SORCS3: variants seen among roughly 807,000 people sequenced by gnomAD.
SORCS3 encodes VPS10 domain-containing receptor SorCS3.
In SORCS3, 57 loss-of-function variants were observed where a neutral mutation model predicts 146.3. The ratio of observed to expected loss-of-function variants is 0.39; its 90% CI spans 0.31 to 0.49. SORCS3 has a LOEUF of 0.49. SORCS3 is among the 20% of genes least tolerant of loss of function. SORCS3 has a pLI of 0.92. For missense variants in SORCS3, 1,341 were observed against 1,575.5 expected, an observed-to-expected ratio of 0.85 and a Z score of 2.52; for synonymous variants, 653 against 618.5, an observed-to-expected ratio of 1.06 and a Z score of -0.83.
intron 21 of SORCS3, 115 bp downstream of exon 21, chr10:105,245,780 A>G (rs1043628710): frequency 1.6e-5 from 21 of 1,307,250 alleles, no homozygotes; most frequent in Middle Eastern, 1.9e-4. Context: ...GGAAAATTAC[A>G]TAGGTCAACA....
At chr10:104,787,390 A>G (rs2017451200) in intron 1 of SORCS3, among the ~76,000 whole-genome samples, 1 of 152,208 alleles carries the variant, frequency 6.6e-6, no homozygotes, top group Admixed American at 6.5e-5. Context: ...AATCATGTTA[A>G]TGCCACAGTT....
At chr10:105,237,559 G>A (rs2056799779) in intron 20 of SORCS3, among the ~76,000 whole-genome samples, 1 of 152,154 alleles carries the variant, frequency 6.6e-6, no homozygotes, top group South Asian at 2.1e-4. Flanking sequence ...AGTGCTATTT[G>A]CTAACACCAT....
intron 2 of SORCS3, among the ~76,000 whole-genome samples, chr10:104,863,566 G>C (rs375271143): frequency 1.3e-5 from 2 of 152,130 alleles, no homozygotes; most frequent in East Asian, 3.9e-4. Context: ...ATAGCACCTG[G>C]CTGTGTTGTA....
chr10:105,123,780 G>C (rs2055953036), intron 7 of SORCS3, among the ~76,000 whole-genome samples: 1 of 152,104 alleles, frequency 6.6e-6, no homozygotes, highest in South Asian at 2.1e-4. Flanking sequence ...CACTTATTCT[G>C]TCAGTCTCCC....
intron 2 of SORCS3, among the ~76,000 whole-genome samples, chr10:104,886,406 T>C (rs1489370803): frequency 6.6e-6 from 1 of 152,200 alleles, no homozygotes; most frequent in Non-Finnish European, 1.5e-5. Flanking sequence ...TTCCATTTAC[T>C]TTATGAACTT....
At chr10:104,750,067 G>A (rs1008819206) in intron 1 of SORCS3, among the ~76,000 whole-genome samples, 2 of 152,168 alleles carry the variant, frequency 1.3e-5, no homozygotes, top group Admixed American at 1.3e-4. Flanking sequence ...GACAAGGTGT[G>A]TGCAGTATCA....
intron 4 of SORCS3, among the ~76,000 whole-genome samples, chr10:104,977,877 G>T (rs1398424103): frequency 6.6e-6 from 1 of 151,460 alleles, no homozygotes; most frequent in African/African-American, 2.4e-5. Flanking sequence ...GATTACAGGT[G>T]CCCACCGCCA....
chr10:104,911,166 C>A (rs936825625), intron 2 of SORCS3, among the ~76,000 whole-genome samples: 9 of 152,262 alleles, frequency 5.9e-5, no homozygotes, highest in Non-Finnish European at 1.2e-4. Flanking sequence ...TTGCCCCTCA[C>A]CCCAGGCCAA....
At chr10:104,830,636 A>G (rs894428813) in intron 1 of SORCS3, among the ~76,000 whole-genome samples, 25 of 152,076 alleles carry the variant, frequency 1.6e-4, no homozygotes, top group Non-Finnish European at 2.6e-4. Context: ...TCTTGAAGAG[A>G]GCTCACAGGA....
At chr10:104,858,938 TA>T (rs3976791) in intron 2 of SORCS3, among the ~76,000 whole-genome samples, 7 of 138,554 alleles carry the variant, frequency 5.1e-5, no homozygotes, top group Non-Finnish European at 6.1e-5. Flanking sequence ...TGTACATTTA[TA>T]AAAAAAAAAA....
chr10:104,775,564 A>G (rs1483505457), intron 1 of SORCS3, among the ~76,000 whole-genome samples: 1 of 152,216 alleles, frequency 6.6e-6, no homozygotes, highest in African/African-American at 2.4e-5. Context: ...TAGAAAGCCA[A>G]TGGCCAGTGT....
At chr10:105,002,476 G>A (rs796845001) in intron 4 of SORCS3, among the ~76,000 whole-genome samples, 14 of 152,256 alleles carry the variant, frequency 9.2e-5, no homozygotes, top group East Asian at 3.9e-4. Flanking sequence ...GCACTGAGCC[G>A]GGGTATAAGG....
At chr10:105,212,599 T>G (rs1450588578) in intron 17 of SORCS3, among the ~76,000 whole-genome samples, 4 of 151,762 alleles carry the variant, frequency 2.6e-5, no homozygotes, top group Non-Finnish European at 5.9e-5. Flanking sequence ...CCCAAATAGC[T>G]AACAAAATAA....
intron 5 of SORCS3, among the ~76,000 whole-genome samples, chr10:105,085,305 T>A (rs2055653168): frequency 6.6e-6 from 1 of 152,246 alleles, no homozygotes; most frequent in South Asian, 2.1e-4. Context: ...CTCTGTGGGC[T>A]GGAGGAGGGC....
chr10:104,674,213 T>C (rs1285967748), intron 1 of SORCS3, among the ~76,000 whole-genome samples: 2 of 152,226 alleles, frequency 1.3e-5, no homozygotes, highest in Non-Finnish European at 2.9e-5. Flanking sequence ...TGGAATAAGA[T>C]AGCATGGTAG....
chr10:104,733,452 T>A (rs894757320), intron 1 of SORCS3, among the ~76,000 whole-genome samples: 1 of 151,882 alleles, frequency 6.6e-6, no homozygotes, highest in Non-Finnish European at 1.5e-5. Flanking sequence ...TAGGTTGAAG[T>A]GGTCTTCCTG....
At chr10:104,884,059 A>G (rs1253241127) in intron 2 of SORCS3, among the ~76,000 whole-genome samples, 1 of 152,128 alleles carries the variant, frequency 6.6e-6, no homozygotes, top group Non-Finnish European at 1.5e-5. Flanking sequence ...CAGGGCAGGC[A>G]ATAGAGAAGG....
chr10:104,947,420 C>T (rs2019382838), intron 3 of SORCS3, among the ~76,000 whole-genome samples: 1 of 152,094 alleles, frequency 6.6e-6, no homozygotes, highest in Admixed American at 6.6e-5. Flanking sequence ...TTTAGAAGAG[C>T]TTCATTCTCT....
chr10:104,792,325 G>A (rs1324210423), intron 1 of SORCS3, among the ~76,000 whole-genome samples: 1 of 152,158 alleles, frequency 6.6e-6, no homozygotes, highest in Non-Finnish European at 1.5e-5. Context: ...CTGTAGTAGG[G>A]CTTCCACACT....
Sources: allele counts gnomAD v4.1 joint callset (sites outside exome capture counted in the v4.1 genomes callset), GRCh38; gene constraint gnomAD v4.1.1; transcripts MANE v1.5; gene names NCBI Gene and HGNC (gene_info 2026-07-23, HGNC 2026-07-21).